Variants in THRAP3 observed in about 807,000 individuals in gnomAD.
The protein encoded by THRAP3 is thyroid hormone receptor associated protein 3.
Under a neutral mutation model 101.0 loss-of-function variants are expected in THRAP3, and 16 were observed. The ratio of observed to expected loss-of-function variants is 0.16; its 90% confidence interval spans 0.11 to 0.24. THRAP3 has a LOEUF of 0.24. Among genes scored for constraint, THRAP3 ranks in the 10% least tolerant of loss-of-function variants. The pLI is 1.00. For synonymous variants in THRAP3, 407 were observed against 422.6 expected (o/e 0.96, Z 0.45); for missense variants, 989 against 1,202.7 (o/e 0.82, Z 2.63).
intron 2 of THRAP3, among the ~76,000 whole-genome samples, chr1:36,280,005 C>T (rs1308007891): frequency 3.3e-5 from 5 of 152,124 alleles, no homozygotes; most frequent in Non-Finnish European, 7.4e-5. Context: ...AACGGTGAGG[C>T]TGGGCGGGGT....
intron 2 of THRAP3, among the ~76,000 whole-genome samples, chr1:36,278,196 G>A (rs904132768): frequency 1.3e-5 from 2 of 151,610 alleles, no homozygotes; most frequent in Admixed American, 6.6e-5. Flanking sequence ...CTTCTGAGTA[G>A]CTGGGATTAC....
chr1:36,246,835 CTG>C (rs1481526616), intron 1 of THRAP3, among the ~76,000 whole-genome samples: 2 of 151,640 alleles, frequency 1.3e-5, no homozygotes, highest in African/African-American at 4.8e-5. Flanking sequence ...GAGTGAGACT[CTG>C]TCTCAAATAA....
chr1:36,232,691 A>C (rs1327097194), intron 1 of THRAP3, among the ~76,000 whole-genome samples: 1 of 152,208 alleles, frequency 6.6e-6, no homozygotes, highest in African/African-American at 2.4e-5. Flanking sequence ...CATTCTCTGA[A>C]GTGCTCCCAT....
At chr1:36,290,459 G>T (rs1214000049) in intron 5 of THRAP3, among the ~76,000 whole-genome samples, 1 of 150,362 alleles carries the variant, frequency 6.7e-6, no homozygotes, top group African/African-American at 2.5e-5. Flanking sequence ...AAAGTGCTGG[G>T]ATTACAGGCG....
Position 36,295,571 on chromosome 1 carries a change from T to C in THRAP3, c.2116-1012T>C, listed in dbSNP as rs534417996. Among the ~76,000 whole-genome samples, 1,214 of 150,604 alleles carry C rather than the reference T, an allele frequency of 8.1e-3. 14 individuals are homozygous for C. The highest frequency in any genetic ancestry group is 0.029 in the African/African-American group (1,163 of 40,648). On this transcript the variant is annotated intron_variant, in intron 8 of 11. Coordinates refer to ENST00000354618, the MANE Select transcript of THRAP3 (RefSeq NM_005119.4). ...TTCCTTCCTTCCTTCCTTCCTTCCTTCCTTCCCTCCTCCCTTCCTTCCTCC... is the reference window on the plus strand; with the variant it reads ...TTCCTTCCTTCCTTCCTTCCTTCCTCCCTTCCCTCCTCCCTTCCTTCCTCC...
In THRAP3 at chr1:36,304,222, G is replaced by C; in HGVS notation, c.*205G>C. The C allele has an allele frequency of 3.0e-6, 2 of 659,804 alleles. No individual in the cohort carries two copies. Among genetic ancestry groups the C allele is most frequent in the Non-Finnish European group, 4.6e-6 (2 of 431,196 alleles). 40.9% of individuals were successfully genotyped at this position (659,804 alleles called of 1,614,324 possible). A position where few individuals can be genotyped will look rare whatever the true frequency, so the allele number is the denominator to read the frequency against. Reference sequence around the variant, plus strand: ...GGCTGGCCATGGGGCCCAGGGGTCAGGCCCAGCTTTTGAGCAGAATACAAC... The same window carrying C: ...GGCTGGCCATGGGGCCCAGGGGTCACGCCCAGCTTTTGAGCAGAATACAAC... On this transcript the variant is annotated 3_prime_UTR_variant, in exon 12 of 12. Transcript: ENST00000354618.
chr1:36,244,828 C>T lies in THRAP3; in HGVS notation c.-134-14554C>T, dbSNP rs374051762. Among the ~76,000 whole-genome samples the T allele has an allele frequency of 7.2e-5, 11 of 152,158 alleles. No homozygotes were observed. In the East Asian group the frequency reaches 2.1e-3, roughly 29 times the overall value. ...CGACTCCCTGGTTCAAGCAATTTTCCTGCCTCAGCCTCCTGAGTAGCTGGG... is the reference window on the plus strand; with the variant it reads ...CGACTCCCTGGTTCAAGCAATTTTCTTGCCTCAGCCTCCTGAGTAGCTGGG... On this transcript the variant is annotated intron_variant, in intron 1 of 11. Transcript: ENST00000354618.
chr1:36,292,544 A>G lies in THRAP3; in HGVS notation c.1919-54A>G, dbSNP rs1055276746. ...CTCGGCCTCCGAAAGTGGTGGGATTATAGGCTTGAGCCACCATGCCTGGCC... is the reference window on the plus strand; with the variant it reads ...CTCGGCCTCCGAAAGTGGTGGGATTGTAGGCTTGAGCCACCATGCCTGGCC... On this transcript the variant is annotated intron_variant, in intron 6 of 11. Coordinates refer to ENST00000354618, the MANE Select transcript of THRAP3 (RefSeq NM_005119.4). The G allele has an allele frequency of 2.8e-6, 4 of 1,435,314 alleles. No homozygotes were observed. The Admixed American group carries it at 7.3e-5, about 26-fold the overall frequency. 88.9% of individuals were successfully genotyped at this position (1,435,314 alleles called of 1,614,324 possible).
intron 1 of THRAP3, among the ~76,000 whole-genome samples, chr1:36,248,550 C>T (rs977678428): frequency 8.6e-5 from 13 of 150,742 alleles, no homozygotes; most frequent in Non-Finnish European, 1.9e-4. Flanking sequence ...TGGGCCCAAG[C>T]GATTCTCAGC....
intron 2 of THRAP3, among the ~76,000 whole-genome samples, chr1:36,261,823 G>C (rs1042709671): frequency 6.6e-6 from 1 of 152,066 alleles, no homozygotes; most frequent in African/African-American, 2.4e-5. Flanking sequence ...ATCATTTTTG[G>C]TCTCTTACGT....
At chr1:36,242,058 AT>A (rs1645167943) in intron 1 of THRAP3, 1 of 174,276 alleles carries the variant, frequency 5.7e-6, no homozygotes. Flanking sequence ...GCTGGAATTA[AT>A]TTTTCCATTC....
At chr1:36,282,157 A>C (rs1330327034) in intron 2 of THRAP3, among the ~76,000 whole-genome samples, 3 of 151,894 alleles carry the variant, frequency 2.0e-5, no homozygotes, top group African/African-American at 4.8e-5. Context: ...ACCTGGACTT[A>C]AGCAGTCCTC....
intron 2 of THRAP3, among the ~76,000 whole-genome samples, chr1:36,261,425 C>A (rs1257422474): frequency 6.6e-6 from 1 of 152,062 alleles, no homozygotes; most frequent in African/African-American, 2.4e-5. Flanking sequence ...CCCAGCTACT[C>A]GGGAGACTGA....
chr1:36,232,214 C>T (rs1024656355), intron 1 of THRAP3, among the ~76,000 whole-genome samples: 1 of 151,868 alleles, frequency 6.6e-6, no homozygotes, highest in Non-Finnish European at 1.5e-5. Flanking sequence ...GACCCTATCT[C>T]GAAAAGAAAA....
chr1:36,229,418 TTTTTG>T (rs1645000866), intron 1 of THRAP3, among the ~76,000 whole-genome samples: 3 of 45,110 alleles, frequency 6.7e-5, no homozygotes, highest in Non-Finnish European at 1.4e-4. Flanking sequence ...TTTTGTTTTT[TTTTTG>T]TTTTTTTTTT....
intron 1 of THRAP3, among the ~76,000 whole-genome samples, chr1:36,232,967 C>T (rs1191278131): frequency 1.3e-5 from 2 of 151,330 alleles, no homozygotes; most frequent in African/African-American, 4.9e-5. Context: ...CTCCCAGATT[C>T]AAGCAATTCT....
chr1:36,301,433 A>G (rs779167785), intron 10 of THRAP3, 120 bp from the exon 11 acceptor site: 2 of 1,276,864 alleles, frequency 1.6e-6, no homozygotes, highest in African/African-American at 1.5e-5. Context: ...GCTGACCAGC[A>G]TATGACTGGA....
intron 8 of THRAP3, among the ~76,000 whole-genome samples, chr1:36,295,950 T>G (rs1159804754): frequency 1.5e-5 from 2 of 132,398 alleles, no homozygotes; most frequent in Non-Finnish European, 3.1e-5. Flanking sequence ...TTTAGCCTTC[T>G]CAACTTTTTT....
chr1:36,255,384 T>G (rs1476710321), intron 1 of THRAP3, among the ~76,000 whole-genome samples: 1 of 151,852 alleles, frequency 6.6e-6, no homozygotes, highest in Non-Finnish European at 1.5e-5. Context: ...TCCCAGCACT[T>G]TGGGAGGCTG....
Sources: allele counts gnomAD v4.1 joint callset (sites outside exome capture counted in the v4.1 genomes callset), GRCh38; gene constraint gnomAD v4.1.1; transcripts MANE v1.5; gene names NCBI Gene and HGNC (gene_info 2026-07-23, HGNC 2026-07-21).